Variants in CWH43 observed in about 807,000 individuals in gnomAD.
The protein encoded by CWH43 is PGAP2-interacting protein.
A neutral mutation model predicts 85.7 loss-of-function variants in CWH43; 91 were observed. That is an observed-to-expected ratio of 1.06 (90% CI 0.90 to 1.26). The LOEUF (loss-of-function observed/expected upper bound fraction) is 1.26, where lower values mean the gene tolerates loss of function less well. Among genes scored for constraint, CWH43 ranks in the 50% most tolerant of loss-of-function variants. CWH43 has a pLI of 0.00. For missense variants in CWH43, 869 were observed against 839.2 expected (o/e 1.04, Z -0.44); for synonymous variants, 323 against 293.6 (o/e 1.10, Z -1.02).
chr4:48,997,288 A>C (rs1397771181), intron 5 of CWH43, among the ~76,000 whole-genome samples: 1 of 150,436 alleles, frequency 6.6e-6, no homozygotes, highest in Non-Finnish European at 1.5e-5. Context: ...CAAACTCCTG[A>C]CCTCAAACAA....
At chr4:49,050,383 T>C (rs1217235417) in intron 14 of CWH43, among the ~76,000 whole-genome samples, 7 of 152,206 alleles carry the variant, frequency 4.6e-5, no homozygotes, top group Admixed American at 4.6e-4. Context: ...GTTCCTGTTA[T>C]TAACTCAAAA....
At chr4:49,041,737 A>G (rs1784469281) in intron 13 of CWH43, among the ~76,000 whole-genome samples, 2 of 152,314 alleles carry the variant, frequency 1.3e-5, no homozygotes, top group Middle Eastern at 6.8e-3. Context: ...CCATTTGACA[A>G]GGACTCTGTT....
rs1393469835 is a variant in CWH43, at chr4:49,039,372, T to C, written c.1803+1192T>C. 2.9e-4 allele frequency among the ~76,000 whole-genome samples: 25 copies of C among 84,784 alleles called. No individual in the cohort carries two copies. In the East Asian group the frequency reaches 6.6e-3, roughly 22 times the overall value. 55.6% of individuals were successfully genotyped at this position (84,784 alleles called of 152,430 possible). A position where few individuals can be genotyped will look rare whatever the true frequency, so the allele number is the denominator to read the frequency against. On this transcript the variant is annotated intron_variant, in intron 13 of 15. Transcript: ENST00000226432. ...ATACTGATATATATATACTGATGTA[T>C]ATATATACTGATATATATATACACA...
rs1317093556 is a variant in CWH43, at chr4:49,044,857, G to A, written c.1865+10G>A. The A allele has an allele frequency of 3.1e-6, 5 of 1,609,614 alleles. No homozygotes were observed. The highest frequency in any genetic ancestry group is 4.2e-6 in the Non-Finnish European group (5 of 1,176,760). ...ATCGAGGGCTGATCAGGTGAGCACA[G>A]GGGTTTGATTTTGTTTTTAATCTAT... On this transcript the variant is annotated intron_variant, in intron 14 of 15. Coordinates refer to ENST00000226432, the MANE Select transcript of CWH43 (RefSeq NM_025087.3).
chr4:49,050,559 T>G (rs1784760945), intron 14 of CWH43, 135 bp from the exon 15 acceptor site: 1 of 555,090 alleles, frequency 1.8e-6, no homozygotes, highest in South Asian at 4.6e-5. Flanking sequence ...ACAATTTAAG[T>G]TAATTCCAGT....
chr4:49,016,289 T>G (rs17611143), intron 8 of CWH43, among the ~76,000 whole-genome samples: 3 of 152,054 alleles, frequency 2.0e-5, no homozygotes, highest in Non-Finnish European at 4.4e-5. Context: ...TAGTGCCATG[T>G]GTTTATTCCC....
chr4:48,994,156 T>C (rs186789243), intron 4 of CWH43, among the ~76,000 whole-genome samples: 2 of 152,308 alleles, frequency 1.3e-5, no homozygotes, highest in Non-Finnish European at 1.5e-5. Flanking sequence ...TATACAGGGC[T>C]TGGAAGAGGG....
At chr4:49,020,007 G>A (rs1007438142) in intron 9 of CWH43, among the ~76,000 whole-genome samples, 2 of 152,070 alleles carry the variant, frequency 1.3e-5, no homozygotes, top group African/African-American at 2.4e-5. Flanking sequence ...GTCTTATTTT[G>A]TGATCACGTT....
At chr4:49,060,485 G>A (rs764965731) in intron 15 of CWH43, among the ~76,000 whole-genome samples, 1 of 152,056 alleles carries the variant, frequency 6.6e-6, no homozygotes, top group Non-Finnish European at 1.5e-5. Context: ...GTCTGTGGGT[G>A]CCAGCCTGGT....
At chr4:49,008,569 T>C (rs1783245855) in intron 8 of CWH43, among the ~76,000 whole-genome samples, 1 of 152,196 alleles carries the variant, frequency 6.6e-6, no homozygotes, top group East Asian at 1.9e-4. Flanking sequence ...TCCTGAATGG[T>C]ATTGCCTAGG....
chr4:49,030,704 A>C (rs1343695849), intron 10 of CWH43, 121 bp from the exon 11 acceptor site: 2 of 846,798 alleles, frequency 2.4e-6, no homozygotes, highest in Non-Finnish European at 3.4e-6. Flanking sequence ...ACTAATAATT[A>C]CTTTGTTTTT....
intron 15 of CWH43, among the ~76,000 whole-genome samples, chr4:49,056,841 A>G (rs780816435): frequency 2.0e-5 from 3 of 152,068 alleles, no homozygotes; most frequent in Non-Finnish European, 4.4e-5. Flanking sequence ...GTTTTGGTAC[A>G]TTGTGTTTCC....
At chr4:48,998,628 A>G in intron 6 of CWH43, 80 bp downstream of exon 6, 1 of 994,634 alleles carries the variant, frequency 1.0e-6, no homozygotes, top group Non-Finnish European at 1.6e-6. Flanking sequence ...AACTCGACTG[A>G]AAGTAGATAC....
rs927438365 is a variant in CWH43 at position 48,991,631 on chromosome 4, G to A, written c.356+57G>A. 4 of 1,582,222 alleles carry A rather than the reference G, an allele frequency of 2.5e-6. No individual in the cohort carries two copies. In the African/African-American group the frequency reaches 5.4e-5, roughly 21 times the overall value. On this transcript the variant is annotated intron_variant, in intron 3 of 15. Transcript: ENST00000226432. Reference sequence around the variant, plus strand: ...AACAAGTATAACCAGTTACCAAAGGGAAACCTGGGGCCAGGAGTTCCAGGT... The same window carrying A: ...AACAAGTATAACCAGTTACCAAAGGAAAACCTGGGGCCAGGAGTTCCAGGT...
intron 9 of CWH43, among the ~76,000 whole-genome samples, chr4:49,026,794 G>A (rs1783930406): frequency 6.6e-6 from 1 of 152,034 alleles, no homozygotes; most frequent in Non-Finnish European, 1.5e-5. Flanking sequence ...TTGGTCGATG[G>A]GCACTTAAGT....
chr4:48,998,629 AAGT>A, intron 6 of CWH43, 81 bp downstream of exon 6: 4 of 981,180 alleles, frequency 4.1e-6, no homozygotes, highest in Middle Eastern at 2.1e-4. Context: ...ACTCGACTGA[AAGT>A]AGATACAACC....
chr4:49,009,138 T>A (rs575293128), intron 8 of CWH43, among the ~76,000 whole-genome samples: 3 of 152,206 alleles, frequency 2.0e-5, no homozygotes, highest in Non-Finnish European at 4.4e-5. Flanking sequence ...GTTTGTGTCC[T>A]CTTTTATTTC....
In CWH43 at chr4:49,028,631, A is replaced by G. The variant is rs777482501; in HGVS notation, c.1269A>G (p.Ala423=). The change falls in exon 10 of 16, where the codon GCA becomes GCG. Residue 423 remains alanine, a splice_region_variant and synonymous_variant. Coordinates refer to ENST00000226432, the MANE Select transcript of CWH43 (RefSeq NM_025087.3). ...CTACCATTAAAACAATTCCTCAGGCACCAACCAAAGAGGTCTCTGCTGCCA... is the reference window on the plus strand; with the variant it reads ...CTACCATTAAAACAATTCCTCAGGCGCCAACCAAAGAGGTCTCTGCTGCCA... ...KAYERKLGKV[A]PTKEVSAAIW... is the part of the protein sequence containing the mutation. 7 of 1,612,104 alleles carry G rather than the reference A, an allele frequency of 4.3e-6. No homozygotes were observed. Among genetic ancestry groups the G allele is most frequent in the Non-Finnish European group, 5.9e-6 (7 of 1,178,776 alleles).
rs1785005632 is a variant in CWH43, at chr4:49,057,520, T to C, written c.2022-4292T>C. On this transcript the variant is annotated intron_variant, in intron 15 of 15. Coordinates refer to ENST00000226432, the MANE Select transcript of CWH43 (RefSeq NM_025087.3). The stretch of plus-strand genomic sequence containing the variant: ...CGGTTCCCAGCTTGACTTTTCCCTC[T>C]AGCTTAGTGATTTTGGGGTCCCAAG... 1.3e-5 allele frequency among the ~76,000 whole-genome samples: 2 copies of C among 152,226 alleles called. 1 individual carries two copies. Among genetic ancestry groups the C allele is most frequent in the South Asian group, 4.1e-4 (2 of 4,822 alleles).
Sources: gnomAD v4.1 joint callset for allele counts (sites outside exome capture counted in the v4.1 genomes callset) on GRCh38, gnomAD v4.1.1 for gene constraint, MANE v1.5 for transcripts, NCBI Gene and HGNC (gene_info 2026-07-23, HGNC 2026-07-21) for gene names.